RANBP2: variants seen among roughly 807,000 people sequenced by gnomAD.
The protein encoded by RANBP2 is RAN binding protein 2, also known as E3 SUMO-protein ligase RanBP2.
Under a neutral mutation model 303.6 loss-of-function variants are expected in RANBP2, and 57 were observed. The ratio of observed to expected loss-of-function variants is 0.19; its 90% CI spans 0.15 to 0.23. The LOEUF (loss-of-function observed/expected upper bound fraction) is 0.23. Among genes scored for constraint, RANBP2 ranks in the 10% least tolerant of loss-of-function variants. RANBP2 has a pLI of 1.00. For synonymous variants in RANBP2, 1,167 were observed against 1,301.5 expected (o/e 0.90, Z 2.23); for missense variants, 3,138 against 3,780.8 (o/e 0.83, Z 4.46).
At chr2:109,147,718 G>T in the RANBP2 span, among the ~76,000 whole-genome samples, 11 of 152,144 alleles carry the variant, frequency 7.2e-5, no homozygotes, top group African/African-American at 1.9e-4. Flanking sequence ...GGGCACTTTG[G>T]TTTTGTAATT....
chr2:109,499,491 G>A, the RANBP2 span, among the ~76,000 whole-genome samples: 4 of 152,196 alleles, frequency 2.6e-5, no homozygotes, highest in Admixed American at 6.5e-5. Flanking sequence ...ACCCACAAAA[G>A]GGCTGGGGGT....
chr2:109,306,195 C>T, the RANBP2 span, among the ~76,000 whole-genome samples: 9 of 152,178 alleles, frequency 5.9e-5, no homozygotes, highest in Non-Finnish European at 1.2e-4. Context: ...CAGAGCAGAC[C>T]GTCTTTCAGA....
the RANBP2 span, among the ~76,000 whole-genome samples, chr2:108,994,566 T>TA: frequency 4.0e-3 from 612 of 152,056 alleles, no homozygotes; most frequent in Non-Finnish European, 6.7e-3. Context: ...CCAGAAAAAT[T>TA]AAGAGGGGAG....
chr2:109,292,109 C>T, the RANBP2 span, among the ~76,000 whole-genome samples: 4 of 152,302 alleles, frequency 2.6e-5, 1 homozygote, highest in South Asian at 4.1e-4. Flanking sequence ...GTGATCTGCC[C>T]GCCTCAGCCT....
At chr2:108,929,499 C>T in the RANBP2 span, 1 of 1,104,552 alleles carries the variant, frequency 9.1e-7, no homozygotes, top group East Asian at 2.5e-5. Context: ...CTTGCCGGGC[C>T]TTGGTTTCCT....
At chr2:108,777,290 A>G (rs975092023) in intron 25 of RANBP2, 59 bp downstream of exon 25, 2 of 1,499,494 alleles carry the variant, frequency 1.3e-6, no homozygotes, top group African/African-American at 1.4e-5. Flanking sequence ...ACAACTGAAA[A>G]ACTAGTTTTT....
chr2:109,175,847 C>T, the RANBP2 span, among the ~76,000 whole-genome samples: 1 of 152,158 alleles, frequency 6.6e-6, no homozygotes, highest in Non-Finnish European at 1.5e-5. Context: ...GTTTTTTAAA[C>T]ATGTCTTTTA....
the RANBP2 span, among the ~76,000 whole-genome samples, chr2:109,386,313 G>A: frequency 6.6e-6 from 1 of 152,172 alleles, no homozygotes; most frequent in Admixed American, 6.5e-5. Flanking sequence ...AGGTGACATT[G>A]TGTGGCTTCT....
the RANBP2 span, among the ~76,000 whole-genome samples, chr2:109,305,073 T>G: frequency 6.6e-6 from 1 of 152,208 alleles, no homozygotes; most frequent in South Asian, 2.1e-4. Context: ...GAATGTTATT[T>G]GGGTCCATGC....
the RANBP2 span, among the ~76,000 whole-genome samples, chr2:109,157,372 C>G: frequency 6.6e-6 from 1 of 152,166 alleles, no homozygotes; most frequent in Non-Finnish European, 1.5e-5. Context: ...TTTATAGACT[C>G]CCACGTGCCA....
the RANBP2 span, among the ~76,000 whole-genome samples, chr2:108,963,973 A>G: frequency 6.6e-6 from 1 of 152,296 alleles, no homozygotes; most frequent in South Asian, 2.1e-4. Flanking sequence ...TTCCTCAACC[A>G]TCAGCTGAGG....
chr2:109,364,208 G>T, the RANBP2 span, among the ~76,000 whole-genome samples: 8 of 150,894 alleles, frequency 5.3e-5, no homozygotes, highest in African/African-American at 1.5e-4. Flanking sequence ...CCATGGTGGA[G>T]GTTTCTATTG....
At chr2:109,587,530 A>T in the RANBP2 span, among the ~76,000 whole-genome samples, 1 of 152,190 alleles carries the variant, frequency 6.6e-6, no homozygotes, top group Non-Finnish European at 1.5e-5. Context: ...GAACTCAGAG[A>T]TACAAGAATT....
the RANBP2 span, chr2:109,543,645 T>C: frequency 6.6e-6 from 1 of 152,370 alleles, no homozygotes; most frequent in Admixed American, 6.5e-5. Context: ...GCCACGATAT[T>C]AATGGGTTCT....
At chr2:109,607,438 A>G in the RANBP2 span, among the ~76,000 whole-genome samples, 7 of 152,256 alleles carry the variant, frequency 4.6e-5, no homozygotes, top group East Asian at 1.2e-3. Context: ...CAGTACCTGT[A>G]TTATCTCTCC....
chr2:109,181,002 A>G, the RANBP2 span, among the ~76,000 whole-genome samples: 5 of 152,166 alleles, frequency 3.3e-5, no homozygotes, highest in Non-Finnish European at 5.9e-5. Flanking sequence ...TTCCAATCCT[A>G]CTTACCAATT....
At chr2:109,123,451 C>G in the RANBP2 span, among the ~76,000 whole-genome samples, 2 of 147,842 alleles carry the variant, frequency 1.4e-5, no homozygotes, top group African/African-American at 4.9e-5. Flanking sequence ...CTTTCTCTCT[C>G]CTCCATGGAT....
the RANBP2 span, among the ~76,000 whole-genome samples, chr2:109,493,556 A>ACATACCATACACACTG: frequency 3.4e-5 from 5 of 148,116 alleles, no homozygotes; most frequent in Non-Finnish European, 5.9e-5. Flanking sequence ...CCATACACAT[A>ACATACCATACACACTG]CATACCATAC....
the RANBP2 span, among the ~76,000 whole-genome samples, chr2:109,419,065 C>T: frequency 6.6e-6 from 1 of 152,112 alleles, no homozygotes; most frequent in Non-Finnish European, 1.5e-5. Context: ...CACCCTGTGA[C>T]TCCCGGTCCT....
Sources: allele counts gnomAD v4.1 joint callset (sites outside exome capture counted in the v4.1 genomes callset), GRCh38; gene constraint gnomAD v4.1.1; transcripts MANE v1.5; gene names NCBI Gene and HGNC (gene_info 2026-07-23, HGNC 2026-07-21).